Variants in GNA14 observed in about 807,000 individuals in gnomAD.
GNA14 encodes G protein subunit alpha 14.
GNA14 carries 50 observed loss-of-function variants against 42.0 expected under a neutral mutation model. The ratio of observed to expected loss-of-function variants is 1.19; its 90% CI spans 0.95 to 1.51. The LOEUF (loss-of-function observed/expected upper bound fraction) is 1.51, where lower values mean the gene tolerates loss of function less well. GNA14 is among the 40% of genes most tolerant of loss of function. The pLI is 0.00. For missense variants in GNA14, 473 were observed against 446.2 expected, an observed-to-expected ratio of 1.06 and a Z score of -0.54; for synonymous variants, 173 against 163.1, an observed-to-expected ratio of 1.06 and a Z score of -0.46.
At chr9:77,462,809 C>A (rs958450217) in intron 2 of GNA14, among the ~76,000 whole-genome samples, 1 of 152,148 alleles carries the variant, frequency 6.6e-6, no homozygotes, top group Admixed American at 6.5e-5. Flanking sequence ...CCCTCACCAC[C>A]ATCCCTGCCT....
chr9:77,602,359 C>T (rs553872130), intron 1 of GNA14, among the ~76,000 whole-genome samples: 38 of 152,314 alleles, frequency 2.5e-4, no homozygotes, highest in Admixed American at 1.0e-3. Context: ...ATAGTAATAA[C>T]TTGTTCACCA....
intron 2 of GNA14, among the ~76,000 whole-genome samples, chr9:77,457,363 A>T (rs937510098): frequency 2.6e-5 from 4 of 152,240 alleles, no homozygotes; most frequent in African/African-American, 4.8e-5. Flanking sequence ...TTCGAATTTT[A>T]TTAGTAGTTC....
intron 1 of GNA14, 85 bp downstream of exon 1, chr9:77,647,585 G>A: frequency 1.4e-6 from 2 of 1,472,682 alleles, no homozygotes; most frequent in East Asian, 2.5e-5. Context: ...CTGGGCTCCA[G>A]GGCCGCGCGG....
Position 77,434,407 on chromosome 9 carries a change from T to C in GNA14, c.425A>G (p.Asp142Gly). 1 of 1,614,096 alleles carries C rather than the reference T, an allele frequency of 6.2e-7. No individual in the cohort carries two copies. Among genetic ancestry groups the C allele is most frequent in the Non-Finnish European group, 8.5e-7 (1 of 1,179,992 alleles). Reference protein sequence around the residue: ...WQDPGIQECYDRRREYQLSDS... With the variant: ...WQDPGIQECYGRRREYQLSDS... ...CGACAGCTGGTACTCCCTCCTCCTGTCGTAACACTCCTGGATGCCTGGATC... is the reference window on the plus strand; with the variant it reads ...CGACAGCTGGTACTCCCTCCTCCTGCCGTAACACTCCTGGATGCCTGGATC... Residue 142 changes from aspartate (D) to glycine (G), a missense_variant, in exon 3 of 7, where the codon GAC (aspartate) becomes GGC (glycine). Coordinates refer to ENST00000341700, the MANE Select transcript of GNA14 (RefSeq NM_004297.4).
chr9:77,509,934 G>A (rs1049737750), intron 2 of GNA14, among the ~76,000 whole-genome samples: 2 of 152,150 alleles, frequency 1.3e-5, no homozygotes, highest in Admixed American at 6.5e-5. Context: ...ACATCACTAC[G>A]TAGTAGTCTT....
At chr9:77,543,601 C>T (rs143468380) in intron 1 of GNA14, among the ~76,000 whole-genome samples, 53 of 152,322 alleles carry the variant, frequency 3.5e-4, no homozygotes, top group Non-Finnish European at 5.7e-4. Context: ...AAGCGCCTCT[C>T]GCTGGTAGAA....
intron 1 of GNA14, among the ~76,000 whole-genome samples, chr9:77,638,644 G>C (rs1010461963): frequency 2.0e-5 from 3 of 152,214 alleles, no homozygotes; most frequent in African/African-American, 7.2e-5. Context: ...TGTACATTCC[G>C]AGAGGTAGGA....
intron 1 of GNA14, among the ~76,000 whole-genome samples, chr9:77,604,622 C>A (rs1293755724): frequency 6.6e-6 from 1 of 152,178 alleles, no homozygotes; most frequent in Non-Finnish European, 1.5e-5. Context: ...ACCTTTCAGT[C>A]CTTACCAAAG....
intron 1 of GNA14, among the ~76,000 whole-genome samples, chr9:77,644,215 G>A (rs1032370600): frequency 1.3e-5 from 2 of 151,876 alleles, no homozygotes; most frequent in Non-Finnish European, 1.5e-5. Context: ...CTGTAATCCC[G>A]ACACTTTGGG....
intron 1 of GNA14, among the ~76,000 whole-genome samples, chr9:77,588,665 A>G (rs1430734566): frequency 6.6e-6 from 1 of 152,220 alleles, no homozygotes; most frequent in African/African-American, 2.4e-5. Context: ...CTAAGTTAGA[A>G]GGCAGGTTAG....
chr9:77,567,971 C>G (rs777244901), intron 1 of GNA14, among the ~76,000 whole-genome samples: 5 of 152,138 alleles, frequency 3.3e-5, no homozygotes, highest in Middle Eastern at 3.4e-3. Flanking sequence ...ATGTTTGGCC[C>G]AAAAGATTCT....
intron 2 of GNA14, among the ~76,000 whole-genome samples, chr9:77,481,021 T>C (rs1836544302): frequency 6.6e-6 from 1 of 152,126 alleles, no homozygotes; most frequent in Non-Finnish European, 1.5e-5. Flanking sequence ...ATTAATTTTT[T>C]GAAGGGTTTT....
intron 1 of GNA14, among the ~76,000 whole-genome samples, chr9:77,570,307 G>C (rs990786880): frequency 4.6e-5 from 7 of 152,178 alleles, no homozygotes; most frequent in African/African-American, 1.7e-4. Context: ...AGTTGTGCAA[G>C]CATCACCACA....
intron 2 of GNA14, among the ~76,000 whole-genome samples, chr9:77,516,579 A>G (rs1837261164): frequency 6.6e-6 from 1 of 152,166 alleles, no homozygotes; most frequent in African/African-American, 2.4e-5. Context: ...TACAAAAATT[A>G]GATGGGTGTG....
intron 1 of GNA14, among the ~76,000 whole-genome samples, chr9:77,624,876 A>C (rs1042970080): frequency 2.0e-5 from 3 of 152,154 alleles, no homozygotes; most frequent in South Asian, 4.1e-4. Context: ...CCTTGCCAGC[A>C]AGGGAACAAA....
At chr9:77,466,759 C>T (rs952089162) in intron 2 of GNA14, among the ~76,000 whole-genome samples, 5 of 152,118 alleles carry the variant, frequency 3.3e-5, no homozygotes, top group African/African-American at 1.2e-4. Context: ...CCTTCCCTCC[C>T]TCTTCTCCCT....
chr9:77,627,592 C>T (rs984552257), intron 1 of GNA14, among the ~76,000 whole-genome samples: 6 of 152,128 alleles, frequency 3.9e-5, no homozygotes, highest in Non-Finnish European at 8.8e-5. Flanking sequence ...GTTCAACATA[C>T]GCAAATTAAT....
chr9:77,467,653 T>A (rs77711422), intron 2 of GNA14, among the ~76,000 whole-genome samples: 1 of 33,250 alleles, frequency 3.0e-5, no homozygotes, highest in Admixed American at 2.4e-4. Flanking sequence ...AGCTCTCCTT[T>A]TTTTTTTTTT....
At chr9:77,644,799 A>G (rs1824329074) in intron 1 of GNA14, among the ~76,000 whole-genome samples, 1 of 152,230 alleles carries the variant, frequency 6.6e-6, no homozygotes, top group South Asian at 2.1e-4. Context: ...ACCAATCTGC[A>G]TTTAACAGGA....
Sources: allele counts gnomAD v4.1 joint callset (sites outside exome capture counted in the v4.1 genomes callset), GRCh38; gene constraint gnomAD v4.1.1; transcripts MANE v1.5; gene names NCBI Gene and HGNC (gene_info 2026-07-23, HGNC 2026-07-21).